The following SLC9A9 variants were observed in gnomAD, a reference collection of about 807,000 sequenced individuals.
SLC9A9 encodes the protein solute carrier family 9 member A9, also known as sodium/hydrogen exchanger 9.
A neutral mutation model predicts 77.8 loss-of-function variants in SLC9A9; 62 were observed. The observed-to-expected ratio is 0.80, with a 90% CI of 0.65 to 0.98. The LOEUF (loss-of-function observed/expected upper bound fraction) is 0.98, where lower values mean the gene tolerates loss of function less well. Among genes scored for constraint, SLC9A9 ranks in the 50% least tolerant of loss-of-function variants. SLC9A9 has a pLI of 0.00. For synonymous variants in SLC9A9, 320 were observed against 283.5 expected (o/e 1.13, Z -1.29); for missense variants, 775 against 774.9 (o/e 1.00, Z 0.00).
intron 1 of SLC9A9, among the ~76,000 whole-genome samples, chr3:143,833,215 T>C (rs1278873832): frequency 3.3e-5 from 5 of 152,214 alleles, no homozygotes; most frequent in African/African-American, 4.8e-5. Flanking sequence ...ACTTCTAATT[T>C]TGGAGATTTT....
chr3:143,800,327 G>A (rs1461143594), intron 2 of SLC9A9, among the ~76,000 whole-genome samples: 1 of 152,150 alleles, frequency 6.6e-6, no homozygotes, highest in East Asian at 1.9e-4. Flanking sequence ...TCACTTGCCT[G>A]TTACAGCATG....
chr3:143,346,557 C>T lies in SLC9A9; in HGVS notation c.1604+16927G>A, dbSNP rs188916723. 8.4e-4 allele frequency among the ~76,000 whole-genome samples: 128 copies of T among 151,872 alleles called. 2 individuals carry two copies. Among genetic ancestry groups the T allele is most frequent in the African/African-American group, 2.3e-3 (94 of 41,420 alleles). On this transcript the variant is annotated intron_variant, in intron 14 of 15. Coordinates refer to ENST00000316549, the MANE Select transcript of SLC9A9 (RefSeq NM_173653.4). ...ATCCCAGCACTTTGGGAGGCTGAGT[C>T]GGGGGGGATCACTTGAGGTCAGGAG...
At chr3:143,748,820 C>T (rs1935265277) in intron 4 of SLC9A9, among the ~76,000 whole-genome samples, 1 of 151,326 alleles carries the variant, frequency 6.6e-6, no homozygotes, top group African/African-American at 2.4e-5. Flanking sequence ...TCTCCTGCCT[C>T]AGCCTCCCGA....
chr3:143,692,923 A>C (rs116596558), intron 5 of SLC9A9, among the ~76,000 whole-genome samples: 2 of 152,110 alleles, frequency 1.3e-5, no homozygotes, highest in East Asian at 3.9e-4. Context: ...CCCATGGACC[A>C]CTGGTTGGAC....
chr3:143,519,042 C>A (rs1487202924), intron 9 of SLC9A9, among the ~76,000 whole-genome samples: 1 of 152,194 alleles, frequency 6.6e-6, no homozygotes, highest in Non-Finnish European at 1.5e-5. Flanking sequence ...AACTGAGGAC[C>A]TACTGTGTGC....
At chr3:143,394,631 G>A (rs1282963860) in intron 12 of SLC9A9, among the ~76,000 whole-genome samples, 2 of 152,144 alleles carry the variant, frequency 1.3e-5, no homozygotes, top group African/African-American at 4.8e-5. Context: ...GAAATAAAGG[G>A]TATTCAATTA....
At chr3:143,303,373 CT>C (rs112101322) in intron 14 of SLC9A9, among the ~76,000 whole-genome samples, 1,574 of 142,456 alleles carry the variant, frequency 0.011, 24 homozygotes, top group African/African-American at 0.034. Flanking sequence ...TTTTTCTTTT[CT>C]TTTTTTTTTT....
intron 11 of SLC9A9, among the ~76,000 whole-genome samples, chr3:143,477,674 G>A (rs544017277): frequency 3.8e-4 from 58 of 152,256 alleles, no homozygotes; most frequent in African/African-American, 1.3e-3. Context: ...AACTGTTGAA[G>A]TTTGGGAGTC....
intron 2 of SLC9A9, among the ~76,000 whole-genome samples, chr3:143,819,277 C>T (rs2009107954): frequency 1.3e-5 from 2 of 152,138 alleles, no homozygotes; most frequent in Admixed American, 6.5e-5. Context: ...TTAGAAATGT[C>T]CCATTGTGAA....
intron 4 of SLC9A9, among the ~76,000 whole-genome samples, chr3:143,785,708 T>A (rs1045062830): frequency 1.3e-5 from 2 of 152,052 alleles, no homozygotes; most frequent in Admixed American, 1.3e-4. Flanking sequence ...CGTGTGTGTG[T>A]AGAAGCAGAG....
At chr3:143,473,351 A>G (rs2035411574) in intron 11 of SLC9A9, among the ~76,000 whole-genome samples, 2 of 152,132 alleles carry the variant, frequency 1.3e-5, no homozygotes, top group Non-Finnish European at 2.9e-5. Context: ...CAGCCCAGAG[A>G]TACCTCTCAC....
intron 4 of SLC9A9, among the ~76,000 whole-genome samples, chr3:143,719,334 G>C (rs534007762): frequency 6.6e-6 from 1 of 151,380 alleles, no homozygotes; most frequent in African/African-American, 2.4e-5. Flanking sequence ...CAGGCAAGAG[G>C]CCTGATGATG....
intron 12 of SLC9A9, among the ~76,000 whole-genome samples, chr3:143,383,555 T>C (rs779891884): frequency 3.3e-5 from 5 of 152,268 alleles, no homozygotes; most frequent in Non-Finnish European, 7.4e-5. Flanking sequence ...CTTACAAAAA[T>C]ATAAGACCAT....
chr3:143,523,596 G>A (rs1461873744), intron 9 of SLC9A9, among the ~76,000 whole-genome samples: 1 of 152,160 alleles, frequency 6.6e-6, no homozygotes, highest in Non-Finnish European at 1.5e-5. Flanking sequence ...TTGTGAACTT[G>A]AAGTCCCAAC....
At chr3:143,480,948 C>T (rs916251206) in intron 11 of SLC9A9, among the ~76,000 whole-genome samples, 1 of 152,088 alleles carries the variant, frequency 6.6e-6, no homozygotes, top group African/African-American at 2.4e-5. Flanking sequence ...TTAGAGGAGC[C>T]CAGACTCTCA....
At chr3:143,572,327 G>T (rs187682055) in intron 8 of SLC9A9, among the ~76,000 whole-genome samples, 7 of 151,920 alleles carry the variant, frequency 4.6e-5, no homozygotes, top group Admixed American at 1.3e-4. Context: ...GTGTGTGCGC[G>T]TGTGTTTATT....
chr3:143,708,498 C>G (rs1122452), intron 4 of SLC9A9, among the ~76,000 whole-genome samples: 99,866 of 151,954 alleles, frequency 0.66, 33,137 homozygotes, highest in African/African-American at 0.68. Flanking sequence ...GGTATCCCAC[C>G]TTCTTCCATC....
At chr3:143,804,051 C>T (rs777421900) in intron 2 of SLC9A9, among the ~76,000 whole-genome samples, 23 of 152,218 alleles carry the variant, frequency 1.5e-4, no homozygotes, top group Admixed American at 7.2e-4. Context: ...TTCCTGTGGC[C>T]GCTCCTTTAC....
chr3:143,352,331 T>C (rs2032479979), intron 14 of SLC9A9, among the ~76,000 whole-genome samples: 1 of 152,178 alleles, frequency 6.6e-6, no homozygotes, highest in Non-Finnish European at 1.5e-5. Context: ...GTTAAAGGAT[T>C]AAGGAAAGAT....
Sources: gnomAD v4.1 joint callset for allele counts (sites outside exome capture counted in the v4.1 genomes callset) on GRCh38, gnomAD v4.1.1 for gene constraint, MANE v1.5 for transcripts, NCBI Gene and HGNC (gene_info 2026-07-23, HGNC 2026-07-21) for gene names.